The following POLR3F variants were observed in gnomAD, a reference collection of about 807,000 sequenced individuals.
POLR3F encodes RNA polymerase III subunit F, also known as DNA-directed RNA polymerase III subunit RPC6.
In POLR3F, 31 loss-of-function variants were observed where a neutral mutation model predicts 43.6. The observed-to-expected ratio is 0.71, with a 90% CI of 0.53 to 0.96. The LOEUF is 0.96. Among genes scored for constraint, POLR3F ranks in the 40% least tolerant of loss-of-function variants. POLR3F has a pLI of 0.00. For missense variants in POLR3F, 316 were observed against 391.7 expected, an observed-to-expected ratio of 0.81 and a Z score of 1.63; for synonymous variants, 114 against 132.5, an observed-to-expected ratio of 0.86 and a Z score of 0.96.
intron 8 of POLR3F, among the ~76,000 whole-genome samples, chr20:18,482,619 ACTC>A (rs1336399281): frequency 6.6e-6 from 1 of 151,770 alleles, no homozygotes; most frequent in Non-Finnish European, 1.5e-5. Context: ...ATGCCCCAGC[ACTC>A]CTCCTTCATT....
intron 5 of POLR3F, among the ~76,000 whole-genome samples, chr20:18,479,142 G>C (rs754947081): frequency 4.7e-5 from 7 of 149,688 alleles, no homozygotes; most frequent in Non-Finnish European, 8.9e-5. Context: ...GCGAAACTCC[G>C]TTTCAAAAAA....
intron 2 of POLR3F, among the ~76,000 whole-genome samples, chr20:18,471,777 G>A (rs2059753162): frequency 6.6e-6 from 1 of 152,236 alleles, no homozygotes; most frequent in Non-Finnish European, 1.5e-5. Context: ...GAGGCCAGGA[G>A]TTCAAGATCA....
At position 18,468,960 on chromosome 20, in the gene POLR3F, C is replaced by G; in HGVS notation, c.79C>G (p.His27Asp). 6.6e-7 allele frequency: 1 copy of G among 1,522,920 alleles called. No individual in the cohort carries two copies. Among genetic ancestry groups the G allele is most frequent in the Non-Finnish European group, 9.1e-7 (1 of 1,096,670 alleles). 94.3% of individuals were successfully genotyped at this position (1,522,920 alleles called of 1,614,324 possible). ...TGTTTCTAGGATTATAGAATTATGT[C>G]ACCAGTTCCCTCATGGAATCACAGA... ...EIENRIIELC[H>D]QFPHGITDQV... The change falls in exon 2 of 9, where the codon CAC (histidine) becomes GAC (aspartate). Residue 27 changes from histidine to aspartate, a missense_variant. By Grantham distance (81) the His-to-Asp change is moderately conservative. Transcript: ENST00000377603.
chr20:18,473,306 CT>C (rs1758767921), intron 3 of POLR3F, 84 bp from the exon 4 acceptor site: 2 of 630,794 alleles, frequency 3.2e-6, no homozygotes, highest in Non-Finnish European at 5.8e-6. Context: ...GTGACCTTGT[CT>C]GCTAATTTTG....
At chr20:18,475,445 T>C (rs1183650036) in intron 5 of POLR3F, among the ~76,000 whole-genome samples, 2 of 152,258 alleles carry the variant, frequency 1.3e-5, no homozygotes, top group African/African-American at 4.8e-5. Context: ...TCCTAGATTT[T>C]GTGGTGTGTA....
chr20:18,477,781 A>G (rs936307218), intron 5 of POLR3F, among the ~76,000 whole-genome samples: 5 of 152,202 alleles, frequency 3.3e-5, no homozygotes, highest in Admixed American at 3.3e-4. Context: ...GATGGTAGGG[A>G]AAGTTGAATA....
chr20:18,478,905 G>T (rs183898124), intron 5 of POLR3F, among the ~76,000 whole-genome samples: 1 of 152,180 alleles, frequency 6.6e-6, no homozygotes, highest in Non-Finnish European at 1.5e-5. Flanking sequence ...CACTTTGGGA[G>T]GCCAAGGAGG....
chr20:18,472,492 T>A (rs570757780), intron 2 of POLR3F, among the ~76,000 whole-genome samples: 2 of 152,142 alleles, frequency 1.3e-5, no homozygotes, highest in South Asian at 4.1e-4. Context: ...CCATTAACTT[T>A]ATAAATTTTA....
chr20:18,473,378 TATTCCACTACAGTAAAATGA>T lies in POLR3F; in HGVS notation c.249-11_257del. ...AGTCCTTACCTTACTAATTTTACTTTATTCCACTACAGTAAAATGAAGGGATCCGATAACCAAGAAAAACT... is the reference window on the plus strand; with the variant it reads ...AGTCCTTACCTTACTAATTTTACTTTAGGGATCCGATAACCAAGAAAAACT... On this transcript the variant is annotated splice_acceptor_variant and splice_polypyrimidine_tract_variant and coding_sequence_variant and intron_variant, in exon 4 of 9. Transcript: ENST00000377603. LOFTEE classifies it high-confidence loss of function. The T allele has an allele frequency of 8.7e-7, 1 of 1,152,102 alleles. No individual in the cohort carries two copies. Among genetic ancestry groups the T allele is most frequent in the Non-Finnish European group, 1.3e-6 (1 of 761,408 alleles). 71.4% of individuals were successfully genotyped at this position (1,152,102 alleles called of 1,614,324 possible).
intron 4 of POLR3F, among the ~76,000 whole-genome samples, chr20:18,474,303 T>G (rs568723000): frequency 1.3e-5 from 2 of 152,248 alleles, no homozygotes; most frequent in East Asian, 3.9e-4. Context: ...AATACAATGT[T>G]GTATAAATAA....
In POLR3F at chr20:18,468,970, C is replaced by T. The variant is rs199990123; in HGVS notation, c.89C>T (p.Pro30Leu). The change falls in exon 2 of 9, where the codon CCT becomes CTT. Residue 30 changes from proline to leucine, a missense_variant. Pro to Leu is a moderately conservative substitution (Grantham distance 98, BLOSUM62 -3). Around this residue, in one of 3 missense-constraint regions of POLR3F, gnomAD observed 122 missense variants for 133.8 expected, o/e 0.91. Transcript: ENST00000377603. ...ATTATAGAATTATGTCACCAGTTCC[C>T]TCATGGAATCACAGACCAAGTAATT... ...NRIIELCHQF[P>L]HGITDQVIQN... is the part of the protein sequence containing the mutation. 1 of 1,563,964 alleles carries T rather than the reference C, an allele frequency of 6.4e-7. No individual in the cohort carries two copies. Among genetic ancestry groups the T allele is most frequent in the Non-Finnish European group, 8.8e-7 (1 of 1,134,098 alleles).
rs887213449 is a variant in POLR3F, at chr20:18,484,420, G to T, written c.*862G>T. The T allele has an allele frequency of 3.2e-6, 1 of 308,316 alleles. No individual in the cohort carries two copies. Among genetic ancestry groups the T allele is most frequent in the African/African-American group, 2.1e-5 (1 of 46,716 alleles). The allele number at this position is 308,316 out of a possible 1,614,324, so 19.1% of individuals were successfully genotyped here. ...ATGGTATTTGGAGGTGGGGCTTTTGGTAAGTGATAGGTCAGGAGAGTAACA... is the reference window on the plus strand; with the variant it reads ...ATGGTATTTGGAGGTGGGGCTTTTGTTAAGTGATAGGTCAGGAGAGTAACA... On this transcript the variant is annotated 3_prime_UTR_variant, in exon 9 of 9. Transcript: ENST00000377603.
chr20:18,475,139 GA>G lies in POLR3F; in HGVS notation c.383del (p.Lys128ArgfsTer15). ...CATTAACAGAAATCAACAAAATTCT[GA>G]AGAATCTGGAAAGTAAAAAGCTTAT... ...LPLTEINKILKNLESKKLIKA... is the reference protein window; with the variant it reads ...LPLTEINKILXNLESKKLIKA... On this transcript the variant is annotated frameshift_variant, in exon 5 of 9. Transcript: ENST00000377603. LOFTEE classifies it high-confidence loss of function. The G allele has an allele frequency of 6.4e-7, 1 of 1,550,648 alleles. No individual in the cohort carries two copies. The highest frequency in any genetic ancestry group is 8.9e-7 in the Non-Finnish European group (1 of 1,122,990).
rs562147737 is a variant in POLR3F, at chr20:18,468,101, A to G, written c.62+533A>G. ...ATTTTTATTTGTTTGTTTGTGAGAC[A>G]GAGTCTCGCTCTGTCGCCAGGCTGG... On this transcript the variant is annotated intron_variant, in intron 1 of 8. Coordinates refer to ENST00000377603, the MANE Select transcript of POLR3F (RefSeq NM_006466.4). Among the ~76,000 whole-genome samples, 9 of 152,294 alleles carry G rather than the reference A, an allele frequency of 5.9e-5. No homozygotes were observed. In the South Asian group the frequency reaches 1.9e-3, roughly 32 times the overall value.
chr20:18,475,503 A>T (rs1303011375), intron 5 of POLR3F, among the ~76,000 whole-genome samples: 5 of 152,218 alleles, frequency 3.3e-5, no homozygotes, highest in Non-Finnish European at 7.3e-5. Flanking sequence ...TTCAACAAAG[A>T]GTGTTTGCTG....
At chr20:18,469,403 C>T in intron 2 of POLR3F, 6 of 198,600 alleles carry the variant, frequency 3.0e-5, no homozygotes, top group South Asian at 9.3e-5. Flanking sequence ...ACTCCTGGTT[C>T]TCAGACCTTC....
intron 5 of POLR3F, among the ~76,000 whole-genome samples, chr20:18,475,961 T>C (rs1468138286): frequency 6.6e-6 from 1 of 152,224 alleles, no homozygotes; most frequent in Non-Finnish European, 1.5e-5. Flanking sequence ...TTCCACATTG[T>C]TTAATGGATA....
chr20:18,474,952 T>C lies in POLR3F; in HGVS notation c.317-123T>C, dbSNP rs961067971. 3 of 534,298 alleles carry C rather than the reference T, an allele frequency of 5.6e-6. No individual in the cohort carries two copies. The African/African-American group carries it at 5.9e-5, about 10-fold the overall frequency. The allele number at this position is 534,298 out of a possible 1,614,324, so 33.1% of individuals were successfully genotyped here. ...ATTGTTTAGCATACTTTTGCTACTT[T>C]AGCCAGCATTCTTTACTGTTAGCTT... is the stretch of plus-strand genomic sequence containing the variant. On this transcript the variant is annotated intron_variant, in intron 4 of 8. Transcript: ENST00000377603.
intron 4 of POLR3F, among the ~76,000 whole-genome samples, chr20:18,474,114 AT>A (rs545610587): frequency 1.8e-3 from 266 of 151,950 alleles, no homozygotes; most frequent in Non-Finnish European, 2.4e-3. Flanking sequence ...CATTCTGCAT[AT>A]TTTTTTAATC....
Sources: gnomAD v4.1 joint callset for allele counts (sites outside exome capture counted in the v4.1 genomes callset) on GRCh38, gnomAD v4.1.1 for gene constraint, gnomAD v4.1.1 regional missense constraint, MANE v1.5 for transcripts, NCBI Gene and HGNC (gene_info 2026-07-23, HGNC 2026-07-21) for gene names.